The following DDX10 variants were observed in gnomAD, a reference collection of about 807,000 sequenced individuals.
DDX10 encodes the protein DEAD-box helicase 10.
DDX10 carries 74 observed loss-of-function variants against 104.3 expected under a neutral mutation model. That is an observed-to-expected ratio of 0.71 (90% CI 0.59 to 0.86). The LOEUF (loss-of-function observed/expected upper bound fraction) is 0.86, where lower values mean the gene tolerates loss of function less well. DDX10 is among the 40% of genes least tolerant of loss of function. The pLI, the probability that DDX10 is intolerant of heterozygous loss-of-function variation, is 0.00. For missense variants in DDX10, 952 were observed against 1,040.0 expected (o/e 0.92, Z 1.16); for synonymous variants, 351 against 353.4 (o/e 0.99, Z 0.08).
At chr11:108,694,653 G>A (rs1354921285) in intron 9 of DDX10, among the ~76,000 whole-genome samples, 1 of 152,250 alleles carries the variant, frequency 6.6e-6, no homozygotes, top group East Asian at 1.9e-4. Flanking sequence ...GGCCGAGGTG[G>A]GCGGATCACG....
At chr11:108,784,478 G>A (rs1861760064) in intron 13 of DDX10, among the ~76,000 whole-genome samples, 1 of 151,918 alleles carries the variant, frequency 6.6e-6, no homozygotes, top group African/African-American at 2.4e-5. Context: ...TGATGTCCTG[G>A]GCTTAAGTGA....
chr11:108,868,049 A>G (rs557865880), intron 16 of DDX10, among the ~76,000 whole-genome samples: 6 of 152,184 alleles, frequency 3.9e-5, no homozygotes, highest in Non-Finnish European at 8.8e-5. Context: ...CATATACTGA[A>G]CCAGGTTCAT....
intron 10 of DDX10, 21 bp from the exon 11 acceptor site, chr11:108,715,858 C>G: frequency 7.9e-7 from 1 of 1,273,074 alleles, no homozygotes; most frequent in Non-Finnish European, 1.1e-6. Flanking sequence ...TTATTTTAAC[C>G]TTTATCTTTT....
intron 11 of DDX10, 124 bp downstream of exon 11, chr11:108,716,090 T>A: frequency 1.5e-6 from 1 of 665,480 alleles, no homozygotes; most frequent in South Asian, 1.7e-5. Context: ...TGCTGACAGA[T>A]AAGTCTAGCT....
chr11:108,885,167 T>C (rs559588078), intron 16 of DDX10, among the ~76,000 whole-genome samples: 1 of 152,274 alleles, frequency 6.6e-6, no homozygotes, highest in East Asian at 1.9e-4. Context: ...CTAATGACAG[T>C]AAGCTTCCAA....
Position 108,899,587 on chromosome 11 carries a change from C to A in DDX10, c.2305-18286C>A, listed in dbSNP as rs1565312865. 2.6e-5 allele frequency among the ~76,000 whole-genome samples: 4 copies of A among 151,920 alleles called. No individual in the cohort carries two copies. In the South Asian group the frequency reaches 6.2e-4, roughly 24 times the overall value. ...TATGATAGTTGGTACCTTTGTGTCA[C>A]CATAAAGACATGCACAGCAATATTA... On this transcript the variant is annotated intron_variant, in intron 16 of 17. Transcript: ENST00000322536.
intron 16 of DDX10, among the ~76,000 whole-genome samples, chr11:108,868,581 G>A (rs1416150323): frequency 6.6e-6 from 1 of 151,990 alleles, no homozygotes. Context: ...ATGATACACT[G>A]AGTTGATACT....
At chr11:108,852,927 T>G (rs1862814953) in intron 16 of DDX10, among the ~76,000 whole-genome samples, 2 of 152,312 alleles carry the variant, frequency 1.3e-5, no homozygotes, top group South Asian at 4.1e-4. Context: ...CATGATTTCT[T>G]CTTGGCAGTT....
intron 1 of DDX10, among the ~76,000 whole-genome samples, chr11:108,667,364 C>G (rs1158926897): frequency 2.0e-5 from 3 of 152,204 alleles, no homozygotes; most frequent in Non-Finnish European, 4.4e-5. Flanking sequence ...AGATGAAGAT[C>G]TAATCATTTT....
rs1864101252 is a variant in DDX10, at chr11:108,940,862, C to G, written c.*439C>G. 1 of 208,196 alleles carries G rather than the reference C, an allele frequency of 4.8e-6. No individual in the cohort carries two copies. The highest frequency in any genetic ancestry group is 9.8e-6 in the Non-Finnish European group (1 of 102,558). The allele number at this position is 208,196 out of a possible 1,614,324, so 12.9% of individuals were successfully genotyped here. ...TTCAAAGAGACTATGATGGACCAGCCCTGAGAAAGAATGAGTATTTTTGAA... is the reference window on the plus strand; with the variant it reads ...TTCAAAGAGACTATGATGGACCAGCGCTGAGAAAGAATGAGTATTTTTGAA... On this transcript the variant is annotated 3_prime_UTR_variant, in exon 18 of 18. Transcript: ENST00000322536.
intron 9 of DDX10, among the ~76,000 whole-genome samples, chr11:108,699,720 G>A (rs1210366793): frequency 6.6e-6 from 1 of 152,168 alleles, no homozygotes; most frequent in Non-Finnish European, 1.5e-5. Flanking sequence ...ATACCAGGAG[G>A]TGCAGATTAT....
At chr11:108,850,286 C>A (rs1400285008) in intron 15 of DDX10, among the ~76,000 whole-genome samples, 1 of 152,036 alleles carries the variant, frequency 6.6e-6, no homozygotes, top group Non-Finnish European at 1.5e-5. Context: ...TTTAAAATAT[C>A]TTTTAATGAC....
chr11:108,849,866 T>C (rs1862767811), intron 15 of DDX10, among the ~76,000 whole-genome samples: 1 of 152,130 alleles, frequency 6.6e-6, no homozygotes, highest in African/African-American at 2.4e-5. Flanking sequence ...CAGCCTTTTA[T>C]CTTTGTTTTG....
chr11:108,760,069 C>T (rs568342709), intron 13 of DDX10, among the ~76,000 whole-genome samples: 1 of 151,282 alleles, frequency 6.6e-6, no homozygotes, highest in Non-Finnish European at 1.5e-5. Context: ...GTGAAGGGTA[C>T]TCCTATCAAT....
intron 13 of DDX10, among the ~76,000 whole-genome samples, chr11:108,814,073 C>T (rs1862222902): frequency 6.6e-6 from 1 of 152,064 alleles, no homozygotes; most frequent in Non-Finnish European, 1.5e-5. Flanking sequence ...TTATTTTATT[C>T]TGGAATTTTT....
At chr11:108,932,355 A>T (rs1475991654) in intron 17 of DDX10, among the ~76,000 whole-genome samples, 1 of 151,994 alleles carries the variant, frequency 6.6e-6, no homozygotes, top group African/African-American at 2.4e-5. Flanking sequence ...CAGGCCGAAC[A>T]TGGTGGTGTG....
chr11:108,755,598 T>C (rs1457839007), intron 13 of DDX10, among the ~76,000 whole-genome samples: 2 of 152,006 alleles, frequency 1.3e-5, no homozygotes, highest in African/African-American at 2.4e-5. Flanking sequence ...CCTCTGAGGC[T>C]TTTGAGCTTG....
At chr11:108,922,551 G>A (rs1466772269) in intron 17 of DDX10, among the ~76,000 whole-genome samples, 2 of 152,198 alleles carry the variant, frequency 1.3e-5, no homozygotes, top group South Asian at 2.1e-4. Context: ...AGAATCTGGG[G>A]TCAATAGTTC....
At chr11:108,897,426 A>T (rs965523010) in intron 16 of DDX10, among the ~76,000 whole-genome samples, 5 of 152,212 alleles carry the variant, frequency 3.3e-5, no homozygotes, top group African/African-American at 1.2e-4. Flanking sequence ...GTACCCAAAA[A>T]GTTGAGTCAC....
Sources: allele counts gnomAD v4.1 joint callset (sites outside exome capture counted in the v4.1 genomes callset), GRCh38; gene constraint gnomAD v4.1.1; transcripts MANE v1.5; gene names NCBI Gene and HGNC (gene_info 2026-07-23, HGNC 2026-07-21).